The following DCC variants were observed in gnomAD, a reference collection of about 807,000 sequenced individuals.
The protein encoded by DCC is DCC netrin 1 receptor.
Under a neutral mutation model 172.5 loss-of-function variants are expected in DCC, and 58 were observed. The observed-to-expected ratio is 0.34, with a 90% CI of 0.27 to 0.42. DCC has a LOEUF of 0.42. DCC is among the 10% of genes least tolerant of loss of function. The pLI is 1.00. For missense variants in DCC, 1,740 were observed against 1,791.0 expected, an observed-to-expected ratio of 0.97 and a Z score of 0.51; for synonymous variants, 709 against 644.5, an observed-to-expected ratio of 1.10 and a Z score of -1.52.
At chr18:52,878,923 C>T (rs2039440827) in intron 2 of DCC, among the ~76,000 whole-genome samples, 1 of 152,140 alleles carries the variant, frequency 6.6e-6, no homozygotes, top group African/African-American at 2.4e-5. Flanking sequence ...ACTTCTAAAA[C>T]ACACCCGGGC....
intron 1 of DCC, among the ~76,000 whole-genome samples, chr18:52,391,237 G>C (rs1274812546): frequency 6.6e-6 from 1 of 152,040 alleles, no homozygotes; most frequent in Non-Finnish European, 1.5e-5. Context: ...TTCTTCCCAA[G>C]GGATTTTTCT....
chr18:53,120,075 G>T (rs2043462222), intron 7 of DCC, among the ~76,000 whole-genome samples: 1 of 151,680 alleles, frequency 6.6e-6, no homozygotes, highest in Non-Finnish European at 1.5e-5. Context: ...ACAAGTCATG[G>T]TATATATCCA....
At chr18:53,270,132 C>T (rs554384800) in intron 12 of DCC, among the ~76,000 whole-genome samples, 34 of 152,218 alleles carry the variant, frequency 2.2e-4, no homozygotes, top group African/African-American at 7.9e-4. Context: ...GGTAGAAAAG[C>T]AAGAGAGGTA....
chr18:52,369,014 A>G (rs1208576218), intron 1 of DCC, among the ~76,000 whole-genome samples: 1 of 152,200 alleles, frequency 6.6e-6, no homozygotes, highest in Non-Finnish European at 1.5e-5. Context: ...TCTACCTGTT[A>G]TAGTATCGGA....
intron 2 of DCC, among the ~76,000 whole-genome samples, chr18:52,857,136 T>C (rs571287181): frequency 6.6e-6 from 1 of 152,216 alleles, no homozygotes; most frequent in Non-Finnish European, 1.5e-5. Context: ...AAAAATAATA[T>C]CATGTATATT....
chr18:53,488,326 G>A (rs1017738219), intron 26 of DCC, among the ~76,000 whole-genome samples: 18 of 152,234 alleles, frequency 1.2e-4, no homozygotes, highest in African/African-American at 4.3e-4. Flanking sequence ...ATTGAGCTGA[G>A]AGTGTGACAC....
chr18:52,850,105 C>T (rs1401775820), intron 2 of DCC, among the ~76,000 whole-genome samples: 2 of 152,132 alleles, frequency 1.3e-5, no homozygotes, highest in Admixed American at 1.3e-4. Flanking sequence ...CATCCCGAGG[C>T]TGTTAAGCTA....
chr18:53,475,520 G>A (rs1481196486), intron 25 of DCC, among the ~76,000 whole-genome samples: 2 of 152,230 alleles, frequency 1.3e-5, no homozygotes, highest in Non-Finnish European at 2.9e-5. Context: ...TCAGGTCTTG[G>A]CTTCAGAGGG....
intron 7 of DCC, among the ~76,000 whole-genome samples, chr18:53,093,396 G>A (rs1457038645): frequency 6.6e-6 from 1 of 152,138 alleles, no homozygotes. Context: ...CTCGAAATGA[G>A]ACCTAGGTAT....
intron 1 of DCC, among the ~76,000 whole-genome samples, chr18:52,529,062 CTG>C (rs1568214115): frequency 6.6e-6 from 1 of 152,140 alleles, no homozygotes; most frequent in African/African-American, 2.4e-5. Context: ...TCTCAACTGA[CTG>C]TGACAATTAG....
intron 1 of DCC, among the ~76,000 whole-genome samples, chr18:52,744,805 G>A (rs1464450469): frequency 1.3e-5 from 2 of 152,124 alleles, no homozygotes; most frequent in African/African-American, 2.4e-5. Flanking sequence ...ACTAGACTAA[G>A]GGGCAGATCA....
intron 14 of DCC, among the ~76,000 whole-genome samples, chr18:53,334,519 C>G (rs928632647): frequency 3.3e-5 from 5 of 152,146 alleles, no homozygotes; most frequent in African/African-American, 1.2e-4. Context: ...CACCACCACC[C>G]ATCTCCAGAA....
chr18:53,242,809 T>C (rs1171049222), intron 12 of DCC, among the ~76,000 whole-genome samples: 1 of 152,014 alleles, frequency 6.6e-6, no homozygotes, highest in African/African-American at 2.4e-5. Context: ...TTATAGGCAC[T>C]GAATAAAAGT....
At chr18:52,955,148 G>T (rs1598967045) in intron 5 of DCC, among the ~76,000 whole-genome samples, 1 of 152,130 alleles carries the variant, frequency 6.6e-6, no homozygotes, top group East Asian at 1.9e-4. Flanking sequence ...ATAATGACAA[G>T]TATCCATTAT....
At chr18:52,406,612 TA>T (rs1412085703) in intron 1 of DCC, among the ~76,000 whole-genome samples, 1 of 152,102 alleles carries the variant, frequency 6.6e-6, no homozygotes, top group Non-Finnish European at 1.5e-5. Context: ...CCCTTCTGAT[TA>T]AAATAAATGT....
At chr18:52,906,403 A>G in intron 3 of DCC, 75 bp downstream of exon 3, 2 of 1,452,160 alleles carry the variant, frequency 1.4e-6, no homozygotes, top group South Asian at 1.2e-5. Context: ...TTTCTTTAAC[A>G]GATATTTGTA....
chr18:53,522,566 C>G (rs974598892), intron 27 of DCC, among the ~76,000 whole-genome samples: 5 of 152,100 alleles, frequency 3.3e-5, no homozygotes, highest in African/African-American at 1.2e-4. Flanking sequence ...GGTACCAAAA[C>G]AGAGATATAA....
In DCC at chr18:52,760,688, G is replaced by A. The variant is rs56732213; in HGVS notation, c.412+8314G>A. ...GTACTGATTTTTGTCCTATTTTTATGTGTATGGTAAAATATATTATTTGGA... is the reference window on the plus strand; with the variant it reads ...GTACTGATTTTTGTCCTATTTTTATATGTATGGTAAAATATATTATTTGGA... On this transcript the variant is annotated intron_variant, in intron 2 of 28. Coordinates refer to ENST00000442544, the MANE Select transcript of DCC (RefSeq NM_005215.4). Among the ~76,000 whole-genome samples the A allele has an allele frequency of 6.4e-3, 979 of 152,246 alleles. 11 individuals carry two copies. The highest frequency in any genetic ancestry group is 0.023 in the African/African-American group (935 of 41,540).
rs368418746 is a variant in DCC, at chr18:52,868,565, G to T, written c.413-37479G>T. Among the ~76,000 whole-genome samples the T allele has an allele frequency of 5.3e-5, 8 of 152,152 alleles. No homozygotes were observed. The East Asian group carries it at 9.6e-4, about 18-fold the overall frequency. ...GGTGGCTGTCTTTGCTCATTCCTAG[G>T]CATGGACCAAGCTAATTTGGGAAGA... On this transcript the variant is annotated intron_variant, in intron 2 of 28. Transcript: ENST00000442544.
Sources: allele counts gnomAD v4.1 joint callset (sites outside exome capture counted in the v4.1 genomes callset), GRCh38; gene constraint gnomAD v4.1.1; transcripts MANE v1.5; gene names NCBI Gene and HGNC (gene_info 2026-07-23, HGNC 2026-07-21).